The following ARID1B variants were observed in gnomAD, a reference collection of about 807,000 sequenced individuals.
ARID1B encodes AT-rich interaction domain 1B, also known as AT-rich interactive domain-containing protein 1B.
ARID1B carries 30 observed loss-of-function variants against 212.3 expected under a neutral mutation model. The observed-to-expected ratio is 0.14, with a 90% confidence interval of 0.11 to 0.19. ARID1B has a LOEUF of 0.19. Ranked by LOEUF, ARID1B falls within the 10% of genes least tolerant of loss-of-function variation. The pLI is 1.00. For missense variants in ARID1B, 2,891 were observed against 3,204.0 expected (o/e 0.90, Z 2.36); for synonymous variants, 1,402 against 1,301.7 (o/e 1.08, Z -1.66).
chr6:156,840,797 G>C (rs1783845889), intron 2 of ARID1B, among the ~76,000 whole-genome samples: 1 of 146,082 alleles, frequency 6.8e-6, no homozygotes, highest in African/African-American at 2.5e-5. Context: ...TCATGTCCGG[G>C]GTCTGTGTTT....
intron 3 of ARID1B, among the ~76,000 whole-genome samples, chr6:156,931,144 T>C (rs1006382504): frequency 6.9e-6 from 1 of 144,470 alleles, no homozygotes; most frequent in Non-Finnish European, 1.5e-5. Flanking sequence ...GAGCCGAGAT[T>C]GCGCCCACTG....
rs71027320 is a variant in ARID1B at position 156,897,264 on chromosome 6, C to CTTCTTCTTCTTCTTCTTA, written c.1987-4110_1987-4109insCTTCTTCTTCTTCTTATT. Among the ~76,000 whole-genome samples the CTTCTTCTTCTTCTTCTTA allele has an allele frequency of 3.7e-3, 311 of 83,578 alleles. 1 individual carries two copies. The highest frequency in any genetic ancestry group is 5.4e-3 in the Non-Finnish European group (224 of 41,632). 54.8% of individuals were successfully genotyped at this position (83,578 alleles called of 152,430 possible). A position where few individuals can be genotyped will look rare whatever the true frequency, so the allele number is the denominator to read the frequency against. ...TCTTCTTCTTCTTCTTCTTCTTCTT[C>CTTCTTCTTCTTCTTCTTA]TTATTATTATTATTATTATTATTAT... On this transcript the variant is annotated intron_variant, in intron 2 of 19. Coordinates refer to ENST00000636930, the MANE Select transcript of ARID1B (RefSeq NM_001374828.1).
intron 2 of ARID1B, among the ~76,000 whole-genome samples, chr6:156,865,448 G>T (rs1043816162): frequency 6.6e-6 from 1 of 152,116 alleles, no homozygotes; most frequent in African/African-American, 2.4e-5. Context: ...AGCCATTCTT[G>T]CTTCTTGTTT....
At chr6:156,779,973 C>T (rs1454958271) in intron 1 of ARID1B, among the ~76,000 whole-genome samples, 1 of 152,186 alleles carries the variant, frequency 6.6e-6, no homozygotes, top group Non-Finnish European at 1.5e-5. Flanking sequence ...TCTTGGCTTC[C>T]GAGGTCCAGG....
At chr6:156,779,547 C>G (rs1562379277) in intron 1 of ARID1B, 76 bp downstream of exon 1, 2 of 1,190,774 alleles carry the variant, frequency 1.7e-6, no homozygotes, top group Non-Finnish European at 2.1e-6. Context: ...CTTTCTTTGC[C>G]GCGTACTTTT....
At chr6:157,096,930 A>G (rs528655760) in intron 5 of ARID1B, among the ~76,000 whole-genome samples, 1 of 152,384 alleles carries the variant, frequency 6.6e-6, no homozygotes, top group Admixed American at 6.5e-5. Flanking sequence ...GAAGCAAGGT[A>G]AGCAGGTGCT....
intron 1 of ARID1B, among the ~76,000 whole-genome samples, chr6:156,799,106 C>T (rs1780595711): frequency 6.6e-6 from 1 of 152,182 alleles, no homozygotes; most frequent in Non-Finnish European, 1.5e-5. Flanking sequence ...GGTCAGATTC[C>T]CTCATGATAT....
rs1354792101 is a variant in ARID1B, at chr6:157,200,953, G to A, written c.4728G>A (p.Gln1576=). 1 of 1,614,076 alleles carries A rather than the reference G, an allele frequency of 6.2e-7. No individual in the cohort carries two copies. Among genetic ancestry groups the A allele is most frequent in the Admixed American group, 1.7e-5 (1 of 60,028 alleles). Residue 1576 remains glutamine, a synonymous_variant, in exon 18 of 20, where the codon CAG becomes CAA. Transcript: ENST00000636930. The surrounding 1 kb of genome is among the most constrained non-coding windows in gnomAD (Gnocchi z 4.3). ...IPPQMMGGPL[Q]SSSSEGPQQN... ...CTCAGATGATGGGCGGCCCGCTGCA[G>A]TCGTCCTCCAGTGAGGGGCCTCAGC...
chr6:157,024,392 G>A (rs931737964), intron 4 of ARID1B: 4 of 152,238 alleles, frequency 2.6e-5, no homozygotes, highest in African/African-American at 9.6e-5. Context: ...ACAAAATTGA[G>A]TGAACAAATT....
chr6:156,843,565 G>A (rs534317652), intron 2 of ARID1B, among the ~76,000 whole-genome samples: 1 of 152,118 alleles, frequency 6.6e-6, no homozygotes, highest in Non-Finnish European at 1.5e-5. Context: ...ACACCGAGGG[G>A]CACACCTGGG....
At chr6:156,932,337 A>C (rs981773873) in intron 3 of ARID1B, among the ~76,000 whole-genome samples, 6 of 152,228 alleles carry the variant, frequency 3.9e-5, no homozygotes, top group Admixed American at 2.0e-4. Flanking sequence ...GTAGAAAAAC[A>C]GTACTGATGA....
intron 4 of ARID1B, among the ~76,000 whole-genome samples, chr6:156,964,683 A>T (rs1378872930): frequency 1.3e-5 from 2 of 152,248 alleles, no homozygotes; most frequent in Non-Finnish European, 2.9e-5. Flanking sequence ...TTGACAGCTT[A>T]ACCTCAGTTG....
intron 4 of ARID1B, among the ~76,000 whole-genome samples, chr6:156,988,738 G>C (rs956307105): frequency 6.6e-6 from 1 of 152,124 alleles, no homozygotes; most frequent in Admixed American, 6.5e-5. Context: ...AATCACTTCC[G>C]ACACACTTCA....
intron 4 of ARID1B, among the ~76,000 whole-genome samples, chr6:157,058,958 G>A (rs1783154848): frequency 1.3e-5 from 2 of 152,172 alleles, no homozygotes. Flanking sequence ...ATCTAGCTGG[G>A]GCTGCGGATT....
intron 4 of ARID1B, among the ~76,000 whole-genome samples, chr6:157,068,926 C>T (rs377119700): frequency 1.4e-4 from 22 of 152,348 alleles, no homozygotes; most frequent in African/African-American, 5.3e-4. Flanking sequence ...CTCCGGACCT[C>T]TGTTTCACAT....
chr6:156,786,912 A>G (rs73790922), intron 1 of ARID1B, among the ~76,000 whole-genome samples: 3,906 of 150,818 alleles, frequency 0.026, 163 homozygotes, highest in African/African-American at 0.09. Flanking sequence ...AATTGCAGAT[A>G]GCAACCATGT....
intron 4 of ARID1B, among the ~76,000 whole-genome samples, chr6:156,945,560 C>A (rs576842227): frequency 6.6e-6 from 1 of 151,896 alleles, no homozygotes; most frequent in Non-Finnish European, 1.5e-5. Flanking sequence ...TCTTTCTTTT[C>A]CCCATGGGCA....
chr6:156,997,688 C>T (rs539696353), intron 4 of ARID1B, among the ~76,000 whole-genome samples: 19 of 150,314 alleles, frequency 1.3e-4, no homozygotes, highest in African/African-American at 4.7e-4. Context: ...GTTATTTCCA[C>T]CATACCATAC....
intron 4 of ARID1B, among the ~76,000 whole-genome samples, chr6:157,047,561 A>G (rs550716437): frequency 1.3e-4 from 20 of 152,300 alleles, no homozygotes; most frequent in Admixed American, 1.2e-3. Flanking sequence ...AGATAAGGTG[A>G]GTGGAGGGAC....
Sources: allele counts gnomAD v4.1 joint callset (sites outside exome capture counted in the v4.1 genomes callset), GRCh38; gene constraint gnomAD v4.1.1; non-coding constraint Gnocchi (gnomAD v3.1); transcripts MANE v1.5; gene names NCBI Gene and HGNC (gene_info 2026-07-23, HGNC 2026-07-21).